The following PCDHA4 variants were observed in gnomAD, a reference collection of about 807,000 sequenced individuals.
The protein encoded by PCDHA4 is protocadherin alpha 4, also known as protocadherin alpha-4.
In PCDHA4, 49 loss-of-function variants were observed where a neutral mutation model predicts 61.4. The observed-to-expected ratio is 0.80, with a 90% CI of 0.63 to 1.01. The LOEUF is 1.01. PCDHA4 is among the 50% of genes least tolerant of loss of function. The pLI, the probability that PCDHA4 is intolerant of heterozygous loss-of-function variation, is 0.00. For synonymous variants in PCDHA4, 590 were observed against 550.3 expected (o/e 1.07, Z -1.01); for missense variants, 1,254 against 1,235.8 (o/e 1.01, Z -0.22).
chr5:140,904,877 AC>A (rs2071441380), intron 1 of PCDHA4, among the ~76,000 whole-genome samples: 1 of 151,792 alleles, frequency 6.6e-6, no homozygotes, highest in African/African-American at 2.4e-5. Context: ...TCCTTAGCTC[AC>A]TTTTTGATGG....
At chr5:140,995,571 T>A (rs2097689586) in intron 3 of PCDHA4, among the ~76,000 whole-genome samples, 1 of 152,252 alleles carries the variant, frequency 6.6e-6, no homozygotes, top group Admixed American at 6.5e-5. Flanking sequence ...TATGTCAAGA[T>A]GAGCTATGAG....
intron 1 of PCDHA4, among the ~76,000 whole-genome samples, chr5:140,891,953 T>G (rs1056816293): frequency 6.6e-6 from 1 of 152,238 alleles, no homozygotes; most frequent in African/African-American, 2.4e-5. Flanking sequence ...GCTCCAGAAT[T>G]GTGAGAAGTA....
At chr5:140,842,672 A>G in intron 1 of PCDHA4, 2 of 1,595,340 alleles carry the variant, frequency 1.3e-6, no homozygotes, top group Non-Finnish European at 1.7e-6. Flanking sequence ...CGTGAACGAC[A>G]ATGCTCCGGC....
chr5:140,985,111 G>A (rs1252708098), intron 3 of PCDHA4, among the ~76,000 whole-genome samples: 2 of 151,892 alleles, frequency 1.3e-5, no homozygotes, highest in African/African-American at 2.4e-5. Context: ...CTAATTTTTT[G>A]TGTTTTTAGT....
chr5:140,878,474 C>A (rs1227598146), intron 1 of PCDHA4, among the ~76,000 whole-genome samples: 1 of 152,134 alleles, frequency 6.6e-6, no homozygotes, highest in Non-Finnish European at 1.5e-5. Flanking sequence ...AATCATTTCT[C>A]AATTTAAAAA....
At position 140,841,649 on chromosome 5, in the gene PCDHA4, G is replaced by A. The variant is rs2150320047; in HGVS notation, c.2385+32077G>A. 1.6e-5 allele frequency: 26 copies of A among 1,614,166 alleles called. No homozygotes were observed. In the Admixed American group the frequency reaches 3.2e-4, roughly 20 times the overall value. On this transcript the variant is annotated intron_variant, in intron 1 of 3. Transcript: ENST00000530339. ...GTGCAGCATCCACCTGGAGGTGATCGTGGACAGGCCGCTGCAGGTTTTCCA... is the reference window on the plus strand; with the variant it reads ...GTGCAGCATCCACCTGGAGGTGATCATGGACAGGCCGCTGCAGGTTTTCCA...
rs1330292023 is a variant in PCDHA4, at chr5:140,830,082, C to A, written c.2385+20510C>A. 1.2e-5 allele frequency: 19 copies of A among 1,613,566 alleles called. No homozygotes were observed. Among genetic ancestry groups the A allele is most frequent in the Non-Finnish European group, 1.5e-5 (18 of 1,179,846 alleles). On this transcript the variant is annotated intron_variant, in intron 1 of 3. Transcript: ENST00000530339. ...GAGCCGGCGCTGACAGCGACGGCCACGGTTCTGGTGTCGCTGGTGGAGAGT... is the reference window on the plus strand; with the variant it reads ...GAGCCGGCGCTGACAGCGACGGCCAAGGTTCTGGTGTCGCTGGTGGAGAGT...
chr5:140,875,603 T>C (rs2055641899), intron 1 of PCDHA4: 1 of 1,613,724 alleles, frequency 6.2e-7, no homozygotes, highest in Admixed American at 1.7e-5. Context: ...CACGGCACCT[T>C]CGTGGGCCGC....
intron 1 of PCDHA4, chr5:140,824,268 T>C: frequency 8.2e-7 from 1 of 1,223,618 alleles, no homozygotes; most frequent in Non-Finnish European, 1.2e-6. Context: ...CTAATTCATG[T>C]ATTATATGCT....
Position 140,857,796 on chromosome 5 carries a change from C to T in PCDHA4, c.2385+48224C>T, listed in dbSNP as rs1554150678. 15 of 1,597,494 alleles carry T rather than the reference C, an allele frequency of 9.4e-6. 2 individuals are homozygous for T. The highest frequency in any genetic ancestry group is 1.7e-5 in the Admixed American group (1 of 59,248). ...GCAGTCAGTGAGCTGGTGCTGCGGT[C>T]GGTGGTTGCGGGTCACGTGGTGGCT... is the stretch of plus-strand genomic sequence containing the variant. On this transcript the variant is annotated intron_variant, in intron 1 of 3. Transcript: ENST00000530339.
chr5:140,999,975 A>G (rs952038024), intron 3 of PCDHA4, among the ~76,000 whole-genome samples: 3 of 152,078 alleles, frequency 2.0e-5, no homozygotes, highest in African/African-American at 7.2e-5. Context: ...TAGCAGCTCT[A>G]GCGGCCTCTG....
chr5:140,858,325 G>A, intron 1 of PCDHA4: 1 of 1,596,768 alleles, frequency 6.3e-7, no homozygotes, highest in Non-Finnish European at 8.6e-7. Context: ...TGTGTTCTGG[G>A]GAGGGCCTGC....
At chr5:140,887,101 CTT>C (rs200717289) in intron 1 of PCDHA4, among the ~76,000 whole-genome samples, 4 of 145,262 alleles carry the variant, frequency 2.8e-5, no homozygotes, top group African/African-American at 5.0e-5. Flanking sequence ...ATCTTTATCT[CTT>C]TTTTTTTTTT....
rs1215327894 is a variant in PCDHA4 at position 140,868,871 on chromosome 5, A to T, written c.2385+59299A>T. On this transcript the variant is annotated intron_variant, in intron 1 of 3. Transcript: ENST00000530339. ...TTCTGTGGTGGTAAATGCAGTGCAC[A>T]GTACTCACAGTTTTAGGCGCAAGGT... 4.8e-6 allele frequency: 3 copies of T among 625,152 alleles called. No homozygotes were observed. In the Admixed American group the frequency reaches 9.8e-5, roughly 20 times the overall value. 38.7% of individuals were successfully genotyped at this position (625,152 alleles called of 1,614,324 possible).
intron 3 of PCDHA4, among the ~76,000 whole-genome samples, chr5:141,005,737 G>GATGAGAA (rs1365089563): frequency 2.8e-5 from 4 of 143,576 alleles, no homozygotes; most frequent in Non-Finnish European, 6.0e-5. Context: ...AAAAAGAATG[G>GATGAGAA]ATGAGAAATC....
At chr5:140,999,592 C>T (rs1443096475) in intron 3 of PCDHA4, among the ~76,000 whole-genome samples, 2 of 152,114 alleles carry the variant, frequency 1.3e-5, no homozygotes, top group Non-Finnish European at 2.9e-5. Flanking sequence ...ATTGCCTTCC[C>T]TACATCCTGG....
At chr5:140,875,268 A>G (rs1484025646) in intron 1 of PCDHA4, 4 of 1,218,994 alleles carry the variant, frequency 3.3e-6, no homozygotes, top group Non-Finnish European at 4.4e-6. Context: ...GTCGCTCTAC[A>G]CTCAGAAGGT....
At chr5:141,003,982 G>A (rs914206731) in intron 3 of PCDHA4, among the ~76,000 whole-genome samples, 25 of 152,152 alleles carry the variant, frequency 1.6e-4, no homozygotes, top group African/African-American at 5.6e-4. Flanking sequence ...GGGACTTGCC[G>A]GAGATCCTAG....
rs1432987823 is a variant in PCDHA4, at chr5:140,905,869, AAGGCCCAACAAT to A, written c.2386-73074_2386-73063del. ...AAGGAGTATTAACTCACACAATCAC[AAGGCCCAACAAT>A]AGGCCATCTGCAAGCTGAGGAGCAA... On this transcript the variant is annotated intron_variant, in intron 1 of 3. Coordinates refer to ENST00000530339, the MANE Select transcript of PCDHA4 (RefSeq NM_018907.4). 1.1e-4 allele frequency among the ~76,000 whole-genome samples: 17 copies of A among 152,326 alleles called. No individual in the cohort carries two copies. In the South Asian group the frequency reaches 3.5e-3, roughly 32 times the overall value.
Sources: allele counts gnomAD v4.1 joint callset (sites outside exome capture counted in the v4.1 genomes callset), GRCh38; gene constraint gnomAD v4.1.1; transcripts MANE v1.5; gene names NCBI Gene and HGNC (gene_info 2026-07-23, HGNC 2026-07-21).